Variants in RNGTT observed in about 807,000 individuals in gnomAD.
RNGTT encodes the protein mRNA-capping enzyme.
In RNGTT, 33 loss-of-function variants were observed where a neutral mutation model predicts 79.3. The ratio of observed to expected loss-of-function variants is 0.42; its 90% CI spans 0.32 to 0.56. RNGTT has a LOEUF of 0.56. Among genes scored for constraint, RNGTT ranks in the 20% least tolerant of loss-of-function variants. RNGTT has a pLI of 0.17. For synonymous variants in RNGTT, 222 were observed against 235.9 expected (o/e 0.94, Z 0.54); for missense variants, 497 against 739.1 (o/e 0.67, Z 3.80).
chr6:88,741,384 C>T (rs1011675168), intron 13 of RNGTT, among the ~76,000 whole-genome samples: 1 of 152,074 alleles, frequency 6.6e-6, no homozygotes, highest in African/African-American at 2.4e-5. Context: ...GGGAGCTAAA[C>T]ACTGGGTACT....
At chr6:88,711,806 T>C (rs1236701640) in intron 13 of RNGTT, among the ~76,000 whole-genome samples, 1 of 152,224 alleles carries the variant, frequency 6.6e-6, no homozygotes, top group Non-Finnish European at 1.5e-5. Flanking sequence ...ACCCATTTAC[T>C]CATTTTTTGA....
chr6:88,902,690 CTTTTTTTTTTT>C, intron 6 of RNGTT, among the ~76,000 whole-genome samples: 1 of 82,700 alleles, frequency 1.2e-5, no homozygotes, highest in South Asian at 4.8e-4. Context: ...ATAGTGAAAT[CTTTTTTTTTTT>C]TTTTTTTTTT....
rs2127969473 is a variant in RNGTT at position 88,963,340 on chromosome 6, G to T, written c.64+6C>A. On this transcript the variant is annotated splice_donor_region_variant and intron_variant, in intron 1 of 15. Coordinates refer to ENST00000369485, the MANE Select transcript of RNGTT (RefSeq NM_003800.5). ...GGGGATTCGAACGCCCCCCAGTCCAGGTTACCTGCCACCGGCTGGCCGCGC... is the reference window on the plus strand; with the variant it reads ...GGGGATTCGAACGCCCCCCAGTCCATGTTACCTGCCACCGGCTGGCCGCGC... 1 of 1,612,140 alleles carries T rather than the reference G, an allele frequency of 6.2e-7. No homozygotes were observed.
intron 8 of RNGTT, among the ~76,000 whole-genome samples, chr6:88,860,202 A>G (rs1280118162): frequency 6.6e-6 from 1 of 152,238 alleles, no homozygotes; most frequent in Admixed American, 6.5e-5. Flanking sequence ...CAGTAATTCA[A>G]TATGCTATTT....
At position 88,817,748 on chromosome 6, in the gene RNGTT, CA is replaced by C. The variant is rs1353943604; in HGVS notation, c.1270-16117del. Reference sequence around the variant, plus strand: ...CTTCACCATCCAAGTCTATTCACATCATTTTTTTTTTTTTTTTTTTTTTTTT... The same window carrying C: ...CTTCACCATCCAAGTCTATTCACATCTTTTTTTTTTTTTTTTTTTTTTTTT... On this transcript the variant is annotated intron_variant, in intron 11 of 15. Coordinates refer to ENST00000369485, the MANE Select transcript of RNGTT (RefSeq NM_003800.5). 1.9e-3 allele frequency among the ~76,000 whole-genome samples: 194 copies of C among 100,012 alleles called. 3 individuals carry two copies. Among genetic ancestry groups the C allele is most frequent in the African/African-American group, 6.3e-3 (187 of 29,606 alleles). 65.6% of individuals were successfully genotyped at this position (100,012 alleles called of 152,430 possible).
At chr6:88,674,234 G>A (rs969797034) in intron 14 of RNGTT, among the ~76,000 whole-genome samples, 2 of 152,158 alleles carry the variant, frequency 1.3e-5, no homozygotes, top group Admixed American at 6.5e-5. Flanking sequence ...ACTAAGATAA[G>A]ATTTTTCATT....
intron 8 of RNGTT, among the ~76,000 whole-genome samples, chr6:88,887,779 C>T (rs1273338801): frequency 6.6e-6 from 1 of 151,974 alleles, no homozygotes; most frequent in East Asian, 1.9e-4. Flanking sequence ...TTATTTTGCC[C>T]AAAGCTTACC....
chr6:88,958,864 C>G (rs761888814), intron 1 of RNGTT, among the ~76,000 whole-genome samples: 19 of 152,178 alleles, frequency 1.2e-4, no homozygotes, highest in Non-Finnish European at 2.4e-4. Context: ...GGGTATCTAC[C>G]CAGAAGAAAA....
intron 8 of RNGTT, among the ~76,000 whole-genome samples, chr6:88,876,533 T>C (rs1782525515): frequency 6.6e-6 from 1 of 152,198 alleles, no homozygotes; most frequent in Admixed American, 6.5e-5. Flanking sequence ...ATCATCATCA[T>C]CATCATATAG....
intron 14 of RNGTT, among the ~76,000 whole-genome samples, chr6:88,638,632 G>A (rs1387118374): frequency 6.6e-6 from 1 of 152,078 alleles, no homozygotes; most frequent in African/African-American, 2.4e-5. Flanking sequence ...AATCATGAAT[G>A]TAACACATTA....
chr6:88,694,163 C>T (rs918820578), intron 13 of RNGTT, among the ~76,000 whole-genome samples: 8 of 151,932 alleles, frequency 5.3e-5, no homozygotes, highest in African/African-American at 1.5e-4. Context: ...GTGAAATTGT[C>T]GATACTTGCT....
chr6:88,824,112 TA>T (rs1452073944), intron 11 of RNGTT, among the ~76,000 whole-genome samples: 5 of 152,192 alleles, frequency 3.3e-5, no homozygotes, highest in Non-Finnish European at 5.9e-5. Context: ...AAATTAAATT[TA>T]AAAATACAGT....
At chr6:88,694,207 CAAACAA>C (rs905733923) in intron 13 of RNGTT, among the ~76,000 whole-genome samples, 3 of 151,816 alleles carry the variant, frequency 2.0e-5, no homozygotes, top group East Asian at 1.9e-4. Context: ...AAGATTCTAC[CAAACAA>C]AAACAAAAAC....
chr6:88,682,831 A>G (rs925215777), intron 13 of RNGTT, among the ~76,000 whole-genome samples: 21 of 152,324 alleles, frequency 1.4e-4, no homozygotes, highest in African/African-American at 4.1e-4. Flanking sequence ...TCAATAACAT[A>G]TAAGTAACCA....
chr6:88,718,049 GAATAGAGTGTATTACAGA>G (rs919840291), intron 13 of RNGTT, among the ~76,000 whole-genome samples: 1 of 152,132 alleles, frequency 6.6e-6, no homozygotes, highest in African/African-American at 2.4e-5. Flanking sequence ...AGTAGGGCAA[GAATAGAGTGTATTACAGA>G]AATTCACAAG....
chr6:88,832,540 T>C (rs945474930), intron 11 of RNGTT, among the ~76,000 whole-genome samples: 5 of 152,068 alleles, frequency 3.3e-5, no homozygotes, highest in African/African-American at 1.2e-4. Context: ...ACTTCATGAC[T>C]AAAACACCAA....
rs771207285 is a variant in RNGTT at position 88,614,274 on chromosome 6, A to C, written c.1628T>G (p.Met543Arg). 6.2e-7 allele frequency: 1 copy of C among 1,613,766 alleles called. No homozygotes were observed. Among genetic ancestry groups the C allele is most frequent in the Non-Finnish European group, 8.5e-7 (1 of 1,179,744 alleles). ...KSFPNAYNTA[M>R]AVCNSISNPV... ...CACTGGTAAGTTGTCATACTCACCC[A>C]TGGCAGTGTTGTAGGCATTAGGAAA... The change falls in exon 15 of 16, where the codon ATG becomes AGG. Residue 543 changes from methionine (M) to arginine (R), a missense_variant and splice_region_variant. Met to Arg is a moderately conservative substitution (Grantham distance 91). This residue lies in a region of RNGTT where 440 missense variants were observed against 671.5 expected (regional missense o/e 0.66). Coordinates refer to ENST00000369485, the MANE Select transcript of RNGTT (RefSeq NM_003800.5).
chr6:88,922,105 T>C (rs1431611551), intron 4 of RNGTT, among the ~76,000 whole-genome samples: 1 of 151,992 alleles, frequency 6.6e-6, no homozygotes, highest in Non-Finnish European at 1.5e-5. Flanking sequence ...CAGGTCTGGC[T>C]ATGTTGTCCA....
chr6:88,943,251 T>C (rs1232307842), intron 1 of RNGTT, among the ~76,000 whole-genome samples: 4 of 152,196 alleles, frequency 2.6e-5, no homozygotes, highest in Non-Finnish European at 5.9e-5. Context: ...CTCTTAATAC[T>C]CAAACTCTAA....
Sources: gnomAD v4.1 joint callset for allele counts (sites outside exome capture counted in the v4.1 genomes callset) on GRCh38, gnomAD v4.1.1 for gene constraint, gnomAD v4.1.1 regional missense constraint, MANE v1.5 for transcripts, NCBI Gene and HGNC (gene_info 2026-07-23, HGNC 2026-07-21) for gene names.